The following LRBA variants were observed in gnomAD, a reference collection of about 807,000 sequenced individuals.
LRBA encodes the protein lipopolysaccharide-responsive and beige-like anchor protein.
In LRBA, 176 loss-of-function variants were observed where a neutral mutation model predicts 330.0. The ratio of observed to expected loss-of-function variants is 0.53; its 90% CI spans 0.47 to 0.60. The LOEUF is 0.60. LRBA is among the 20% of genes least tolerant of loss of function. The pLI, the probability that LRBA is intolerant of heterozygous loss-of-function variation, is 0.00. For synonymous variants in LRBA, 1,230 were observed against 1,193.0 expected, an observed-to-expected ratio of 1.03 and a Z score of -0.64; for missense variants, 3,259 against 3,444.8, an observed-to-expected ratio of 0.95 and a Z score of 1.35.
chr4:150,752,800 A>G (rs977267593), intron 35 of LRBA, among the ~76,000 whole-genome samples: 4 of 152,194 alleles, frequency 2.6e-5, no homozygotes, highest in Admixed American at 2.6e-4. Flanking sequence ...TACAGAGGCT[A>G]GAATGGAAGC....
chr4:150,406,421 A>G (rs574248383), intron 47 of LRBA, among the ~76,000 whole-genome samples: 2 of 152,362 alleles, frequency 1.3e-5, no homozygotes, highest in Non-Finnish European at 2.9e-5. Context: ...GATAAGTAAC[A>G]TGATCCAACT....
At chr4:150,289,177 A>AT (rs201046002) in intron 53 of LRBA, among the ~76,000 whole-genome samples, 1,755 of 152,094 alleles carry the variant, frequency 0.012, 29 homozygotes, top group African/African-American at 0.04. Flanking sequence ...TATAAGCATT[A>AT]TTTTTTTTGT....
At chr4:151,004,424 T>C (rs1743772679) in intron 2 of LRBA, among the ~76,000 whole-genome samples, 1 of 152,212 alleles carries the variant, frequency 6.6e-6, no homozygotes, top group Admixed American at 6.5e-5. Flanking sequence ...ACATACAGCA[T>C]GATGCTGGAC....
intron 37 of LRBA, among the ~76,000 whole-genome samples, chr4:150,679,823 T>C (rs2126900205): frequency 6.6e-6 from 1 of 152,336 alleles, no homozygotes; most frequent in South Asian, 2.1e-4. Context: ...TCTCTAGCTC[T>C]ACCTATGCAT....
At chr4:150,763,234 T>C (rs1204394522) in intron 34 of LRBA, among the ~76,000 whole-genome samples, 3 of 152,000 alleles carry the variant, frequency 2.0e-5, no homozygotes, top group Admixed American at 6.6e-5. Context: ...AACAAATTCA[T>C]AAAATCCATG....
Position 150,527,183 on chromosome 4 carries a change from T to C in LRBA, c.6331-36148A>G, listed in dbSNP as rs144932924. Among the ~76,000 whole-genome samples, 281 of 152,326 alleles carry C rather than the reference T, an allele frequency of 1.8e-3. 1 individual carries two copies. Among genetic ancestry groups the C allele is most frequent in the Middle Eastern group, 6.8e-3 (2 of 294 alleles). ...CAAGCGTCTCATGAAATCTGCTCAG[T>C]GATTTCCAAGAACGGTTTTGCTTTC... On this transcript the variant is annotated intron_variant, in intron 40 of 56. Transcript: ENST00000651943.
chr4:150,663,671 T>G (rs905581283), intron 37 of LRBA, among the ~76,000 whole-genome samples: 1 of 152,138 alleles, frequency 6.6e-6, no homozygotes, highest in Non-Finnish European at 1.5e-5. Flanking sequence ...TATCAGGTAT[T>G]GGACCAGGGA....
chr4:150,516,222 T>TC (rs1464196098), intron 40 of LRBA, among the ~76,000 whole-genome samples: 4 of 96,312 alleles, frequency 4.2e-5, no homozygotes, highest in African/African-American at 1.5e-4. Context: ...ATTCTCTTTT[T>TC]TTTTTTTTTT....
At chr4:150,435,078 C>T (rs1750933912) in intron 46 of LRBA, among the ~76,000 whole-genome samples, 1 of 151,892 alleles carries the variant, frequency 6.6e-6, no homozygotes, top group African/African-American at 2.4e-5. Flanking sequence ...GGCGCGGTGG[C>T]TCACACCTGT....
chr4:150,581,571 G>T (rs1187087288), intron 40 of LRBA: 1 of 206,850 alleles, frequency 4.8e-6, no homozygotes, highest in Non-Finnish European at 9.9e-6. Flanking sequence ...GAACCTTTCT[G>T]AACCATTGCT....
chr4:150,299,651 G>C lies in LRBA; in HGVS notation c.8017+2974C>G, dbSNP rs149631202. On this transcript the variant is annotated intron_variant, in intron 53 of 56. Coordinates refer to ENST00000651943, the MANE Select transcript of LRBA (RefSeq NM_001364905.1). ...ACATATAACATCAATATTAGATATG[G>C]AAAAAACAGTGTATGTAGGCTTATG... 5.7e-3 allele frequency among the ~76,000 whole-genome samples: 859 copies of C among 151,806 alleles called. 4 individuals carry two copies. Among genetic ancestry groups the C allele is most frequent in the Admixed American group, 8.6e-3 (131 of 15,258 alleles).
intron 40 of LRBA, chr4:150,579,293 A>G: frequency 2.2e-6 from 1 of 455,540 alleles, no homozygotes; most frequent in Non-Finnish European, 4.4e-6. Flanking sequence ...CAATTATTCA[A>G]CCAGAGGAAG....
intron 2 of LRBA, among the ~76,000 whole-genome samples, chr4:150,973,693 T>C (rs1739837000): frequency 2.0e-5 from 3 of 152,162 alleles, no homozygotes; most frequent in Admixed American, 2.0e-4. Context: ...TTGATTCTGT[T>C]TAAAGAAACC....
intron 13 of LRBA, among the ~76,000 whole-genome samples, chr4:150,902,566 T>C (rs1246937400): frequency 6.6e-6 from 1 of 152,174 alleles, no homozygotes; most frequent in African/African-American, 2.4e-5. Flanking sequence ...TTCATTTACA[T>C]AGGGCATACA....
chr4:150,470,012 G>A (rs1202522710), intron 43 of LRBA, among the ~76,000 whole-genome samples: 8 of 151,896 alleles, frequency 5.3e-5, no homozygotes, highest in East Asian at 3.9e-4. Flanking sequence ...GTGAAACCCC[G>A]TCTCTACTAA....
chr4:150,733,192 C>T (rs1241903230), intron 36 of LRBA, among the ~76,000 whole-genome samples: 1 of 151,910 alleles, frequency 6.6e-6, no homozygotes, highest in Non-Finnish European at 1.5e-5. Context: ...AATTTTCTCT[C>T]TTTGGCTATA....
intron 2 of LRBA, among the ~76,000 whole-genome samples, chr4:150,937,025 G>C (rs956195075): frequency 2.0e-5 from 3 of 151,864 alleles, no homozygotes; most frequent in African/African-American, 7.3e-5. Flanking sequence ...ATAGATTTTT[G>C]AAAGTAATTT....
At chr4:150,815,412 A>G (rs1271957964) in intron 31 of LRBA, among the ~76,000 whole-genome samples, 1 of 151,694 alleles carries the variant, frequency 6.6e-6, no homozygotes, top group Non-Finnish European at 1.5e-5. Context: ...AATTTGCTAG[A>G]GTTTCATGCC....
chr4:150,918,100 A>G (rs1732840090), intron 5 of LRBA, among the ~76,000 whole-genome samples: 1 of 152,178 alleles, frequency 6.6e-6, no homozygotes, highest in Non-Finnish European at 1.5e-5. Context: ...GTGACAAAAG[A>G]AAAAAATATA....
Sources: gnomAD v4.1 joint callset for allele counts (sites outside exome capture counted in the v4.1 genomes callset) on GRCh38, gnomAD v4.1.1 for gene constraint, MANE v1.5 for transcripts, NCBI Gene and HGNC (gene_info 2026-07-23, HGNC 2026-07-21) for gene names.